Variants in NR6A1 observed in about 807,000 individuals in gnomAD.
NR6A1 encodes the protein retinoic acid receptor-related testis-associated receptor.
A neutral mutation model predicts 59.1 loss-of-function variants in NR6A1; 7 were observed. The ratio of observed to expected loss-of-function variants is 0.12; its 90% CI spans 0.07 to 0.22. NR6A1 has a LOEUF of 0.22. Among genes scored for constraint, NR6A1 ranks in the 10% least tolerant of loss-of-function variants. The pLI is 1.00. For synonymous variants in NR6A1, 243 were observed against 236.1 expected (o/e 1.03, Z -0.27); for missense variants, 468 against 611.6 (o/e 0.77, Z 2.48).
At chr9:124,666,330 G>C (rs1318885376) in intron 2 of NR6A1, among the ~76,000 whole-genome samples, 1 of 141,894 alleles carries the variant, frequency 7.0e-6, no homozygotes, top group Non-Finnish European at 1.5e-5. Flanking sequence ...CCAGGCTGGA[G>C]TGTAGTAGTG....
intron 2 of NR6A1, among the ~76,000 whole-genome samples, chr9:124,645,267 A>G (rs1836898541): frequency 6.6e-6 from 1 of 152,242 alleles, no homozygotes; most frequent in Non-Finnish European, 1.5e-5. Flanking sequence ...AAAAAACAAT[A>G]AATATATAGC....
In NR6A1 at chr9:124,649,404, T is replaced by C. The variant is rs77535771; in HGVS notation, c.142+83904A>G. 1.9e-3 allele frequency among the ~76,000 whole-genome samples: 289 copies of C among 152,236 alleles called. 1 individual carries two copies. The highest frequency in any genetic ancestry group is 6.6e-3 in the African/African-American group (275 of 41,544). ...GCACTGGGAAAGCGAGATGTCCATA[T>C]GCAGAAGAAAGAAACTAGATCCTGT... On this transcript the variant is annotated intron_variant, in intron 2 of 9. Coordinates refer to ENST00000487099, the MANE Select transcript of NR6A1 (RefSeq NM_033334.4).
rs755384335 is a variant in NR6A1 at position 124,639,420 on chromosome 9, T to C, written c.143-84850A>G. Among the ~76,000 whole-genome samples the C allele has an allele frequency of 4.6e-5, 7 of 152,216 alleles. No homozygotes were observed. The East Asian group carries it at 5.8e-4, about 13-fold the overall frequency. On this transcript the variant is annotated intron_variant, in intron 2 of 9. Transcript: ENST00000487099. The stretch of plus-strand genomic sequence containing the variant: ...CCAGCAATCCTCTGTGAGCTAGACA[T>C]AGACAGCATCCCGATTTTACAAATG...
chr9:124,755,476 C>A (rs1840607618), intron 1 of NR6A1, among the ~76,000 whole-genome samples: 1 of 152,148 alleles, frequency 6.6e-6, no homozygotes. Flanking sequence ...CTATGTAACA[C>A]CTTACCGCTT....
intron 2 of NR6A1, among the ~76,000 whole-genome samples, chr9:124,567,584 A>G (rs527413273): frequency 8.5e-4 from 129 of 152,112 alleles, no homozygotes; most frequent in African/African-American, 2.7e-3. Context: ...GGGCAAGACA[A>G]TGAGACCCTG....
chr9:124,699,683 C>G (rs1838874619), intron 2 of NR6A1, among the ~76,000 whole-genome samples: 1 of 152,192 alleles, frequency 6.6e-6, no homozygotes, highest in South Asian at 2.1e-4. Context: ...GTGTATAATT[C>G]AATGACTTTT....
At chr9:124,619,408 C>T (rs1028498176) in intron 2 of NR6A1, among the ~76,000 whole-genome samples, 4 of 152,062 alleles carry the variant, frequency 2.6e-5, no homozygotes, top group African/African-American at 7.2e-5. Context: ...GGACTACAAG[C>T]GCCTGCCACC....
intron 2 of NR6A1, among the ~76,000 whole-genome samples, chr9:124,699,474 G>T (rs549540252): frequency 5.9e-5 from 9 of 152,308 alleles, no homozygotes; most frequent in Admixed American, 2.0e-4. Flanking sequence ...AGGACACAGG[G>T]TAAGGCTTTG....
rs750459414 is a variant in NR6A1 at position 124,543,810 on chromosome 9, G to C, written c.433C>G (p.Pro145Ala). The C allele has an allele frequency of 3.1e-6, 5 of 1,613,414 alleles. No individual in the cohort carries two copies. Among genetic ancestry groups the C allele is most frequent in the African/African-American group, 2.7e-5 (2 of 74,862 alleles). ...TGAGGTCTAGAACTCACCTGGACTG[G>C]CCCAATGCTCTTATTCCGGCCTCCA... is the stretch of plus-strand genomic sequence containing the variant. The part of the protein sequence containing the change: ...MPGGRNKSIG[P>A]VQISEEEIER... Residue 145 changes from proline (P) to alanine (A), a missense_variant, in exon 4 of 10, where the codon CCA becomes GCA. Physicochemically the swap from Pro to Ala is conservative, Grantham distance 27. Coordinates refer to ENST00000487099, the MANE Select transcript of NR6A1 (RefSeq NM_033334.4).
chr9:124,596,902 T>A (rs1835287588), intron 2 of NR6A1, among the ~76,000 whole-genome samples: 1 of 152,212 alleles, frequency 6.6e-6, no homozygotes, highest in African/African-American at 2.4e-5. Context: ...AGAAACTGAT[T>A]TCTGAGGATA....
intron 2 of NR6A1, among the ~76,000 whole-genome samples, chr9:124,707,107 C>A (rs571433745): frequency 5.3e-5 from 8 of 152,044 alleles, no homozygotes; most frequent in Admixed American, 1.3e-4. Context: ...CTGCCCCTTT[C>A]TCTCATTCTT....
At chr9:124,571,175 T>C (rs1834427952) in intron 2 of NR6A1, among the ~76,000 whole-genome samples, 1 of 152,168 alleles carries the variant, frequency 6.6e-6, no homozygotes, top group Admixed American at 6.5e-5. Flanking sequence ...AGTAGAAGTA[T>C]GTCAAAAAGA....
chr9:124,542,703 A>G (rs1833486500), intron 4 of NR6A1, among the ~76,000 whole-genome samples: 1 of 152,164 alleles, frequency 6.6e-6, no homozygotes. Flanking sequence ...CAGTAACAAT[A>G]ATAGTTTTTT....
intron 2 of NR6A1, among the ~76,000 whole-genome samples, chr9:124,723,021 C>T (rs1357466291): frequency 6.6e-6 from 1 of 152,024 alleles, no homozygotes; most frequent in East Asian, 1.9e-4. Flanking sequence ...TTAAAATACT[C>T]ATATAAATAT....
intron 2 of NR6A1, among the ~76,000 whole-genome samples, chr9:124,659,865 C>T (rs1837374870): frequency 2.0e-5 from 3 of 152,228 alleles, no homozygotes; most frequent in Admixed American, 6.5e-5. Context: ...TTCTGCTACA[C>T]TTTACAAATG....
intron 2 of NR6A1, among the ~76,000 whole-genome samples, chr9:124,569,086 C>A (rs1215950119): frequency 1.3e-5 from 2 of 152,124 alleles, no homozygotes; most frequent in African/African-American, 4.8e-5. Flanking sequence ...TCACTCCAGC[C>A]TGGGTGACAG....
chr9:124,736,732 C>T (rs546926743), intron 1 of NR6A1, among the ~76,000 whole-genome samples: 2 of 151,850 alleles, frequency 1.3e-5, no homozygotes, highest in Non-Finnish European at 2.9e-5. Context: ...TGTAATCCCA[C>T]CTACTTGGGA....
At chr9:124,729,431 A>G (rs558453350) in intron 2 of NR6A1, among the ~76,000 whole-genome samples, 1 of 152,302 alleles carries the variant, frequency 6.6e-6, no homozygotes, top group African/African-American at 2.4e-5. Flanking sequence ...AAAAAAATAC[A>G]AAAGTTAGCC....
chr9:124,749,397 T>C (rs1393591936), intron 1 of NR6A1, among the ~76,000 whole-genome samples: 2 of 152,160 alleles, frequency 1.3e-5, no homozygotes, highest in Admixed American at 1.3e-4. Flanking sequence ...AAGTGTTCCA[T>C]TCTGCACACA....
Sources: allele counts gnomAD v4.1 joint callset (sites outside exome capture counted in the v4.1 genomes callset), GRCh38; gene constraint gnomAD v4.1.1; transcripts MANE v1.5; gene names NCBI Gene and HGNC (gene_info 2026-07-23, HGNC 2026-07-21).